TRPM5: variants seen among roughly 807,000 people sequenced by gnomAD.
The protein encoded by TRPM5 is MLSN1 and TRP-related.
TRPM5 carries 121 observed loss-of-function variants against 124.9 expected under a neutral mutation model. The ratio of observed to expected loss-of-function variants is 0.97; its 90% confidence interval spans 0.84 to 1.13. The LOEUF is 1.13. Among genes scored for constraint, TRPM5 ranks in the 50% most tolerant of loss-of-function variants. TRPM5 has a pLI of 0.00. For missense variants in TRPM5, 1,643 were observed against 1,589.1 expected, an observed-to-expected ratio of 1.03 and a Z score of -0.58; for synonymous variants, 781 against 700.5, an observed-to-expected ratio of 1.11 and a Z score of -1.81.
chr11:2,406,041 C>G, exon 22 of TRPM5: 1 of 1,612,128 alleles, frequency 6.2e-7, no homozygotes, highest in South Asian at 1.1e-5. Context: ...ACACTTGATG[C>G]GCTTTTCTTG....
At chr11:2,423,094 C>T, upstream of TRPM5, 1 of 1,384,750 alleles carries the variant, frequency 7.2e-7, no homozygotes, top group Non-Finnish European at 1.0e-6. Context: ...AGGCCCATCC[C>T]CACCTCCCTC....
chr11:2,428,628 G>C, the TRPM5 span, among the ~76,000 whole-genome samples: 1 of 151,872 alleles, frequency 6.6e-6, no homozygotes, highest in Admixed American at 6.6e-5. This position sits in a 1 kb window ranked among gnomAD's most constrained non-coding sequence, Gnocchi z 4.0. Context: ...CATTACCGTT[G>C]ATGAGGGTGG....
chr11:2,421,334 G>T, intron 2 of TRPM5, 136 bp from the exon 8 acceptor site: 1 of 1,142,660 alleles, frequency 8.8e-7, no homozygotes, highest in Non-Finnish European at 1.2e-6. Flanking sequence ...ATGCCTCACG[G>T]TGGGGTGGGG....
chr11:2,437,474 C>G, the TRPM5 span, among the ~76,000 whole-genome samples: 1 of 152,176 alleles, frequency 6.6e-6, no homozygotes, highest in Non-Finnish European at 1.5e-5. The surrounding 1 kb of genome is among the most constrained non-coding windows in gnomAD (Gnocchi z 5.6). Context: ...GGCAAGGCCT[C>G]TTGTGCAGTG....
At chr11:2,404,991 A>G (rs928752003) in exon 24 of TRPM5, 17 of 1,612,592 alleles carry the variant, frequency 1.1e-5, no homozygotes, top group Non-Finnish European at 1.4e-5. Context: ...CATCTAAACC[A>G]CCTCTGTGGT....
intron 1 of TRPM5, 24 bp downstream of exon 6, chr11:2,422,896 C>A: frequency 6.3e-7 from 1 of 1,599,094 alleles, no homozygotes; most frequent in Non-Finnish European, 8.6e-7. Flanking sequence ...CGGACATCAC[C>A]TGAGGCCTGG....
intron 3 of TRPM5, among the ~76,000 whole-genome samples, 188 bp downstream of exon 8, chr11:2,420,844 G>T (rs1845761930): frequency 6.6e-6 from 1 of 152,188 alleles, no homozygotes; most frequent in African/African-American, 2.4e-5. Context: ...GAGGGCCCGC[G>T]CCACAGTCTA....
At position 2,418,517 on chromosome 11, in the gene TRPM5, A is replaced by G. The variant is rs1305852798; in HGVS notation, c.714+10T>C. 4 of 1,608,774 alleles carry G rather than the reference A, an allele frequency of 2.5e-6. No homozygotes were observed. Among genetic ancestry groups the G allele is most frequent in the Non-Finnish European group, 3.4e-6 (4 of 1,178,358 alleles). On this transcript the variant is annotated intron_variant, in intron 5 of 23. Transcript: ENST00000155858. ...TTCGGCCAGCCAGGGGGCCTCAGCC[A>G]GGCCCCTACCTCCAAGGTGTTGGGA...
intron 19 of TRPM5, 29 bp downstream of exon 24, chr11:2,407,728 GCT>G: frequency 1.2e-6 from 2 of 1,610,240 alleles, no homozygotes; most frequent in African/African-American, 1.3e-5. Flanking sequence ...CCGCTCCAGG[GCT>G]CTCTCCTCCA....
chr11:2,422,128 G>T lies in TRPM5; in HGVS notation c.298+13C>A. On this transcript the variant is annotated intron_variant, in intron 2 of 23. Transcript: ENST00000155858. ...TGGGGTGGGAGCGCTGCCTGTGCCG[G>T]GTGGGGCCTCACCTGTGCTCTGAGC... The T allele has an allele frequency of 6.3e-7, 1 of 1,581,134 alleles. No individual in the cohort carries two copies. The highest frequency in any genetic ancestry group is 1.1e-5 in the South Asian group (1 of 87,426).
At chr11:2,420,171 G>T (rs558862940) in intron 4 of TRPM5, 51 bp downstream of exon 9, 13 of 1,532,234 alleles carry the variant, frequency 8.5e-6, no homozygotes, top group Middle Eastern at 2.4e-4. Flanking sequence ...GCGGGTCCCT[G>T]GATCCCCACT....
At position 2,405,611 on chromosome 11, in the gene TRPM5, G is replaced by A. The variant is rs200838261; in HGVS notation, c.3325-18C>T. ...TAGTTGATCTGGAGAAGGGAAACAC[G>A]TCCGGGAAGCTCCAGGGCTCTCTCA... On this transcript the variant is annotated intron_variant, in intron 22 of 23. Coordinates refer to ENST00000155858, the Ensembl canonical transcript of TRPM5. 2.1e-4 allele frequency: 331 copies of A among 1,554,802 alleles called. No homozygotes were observed. Among genetic ancestry groups the A allele is most frequent in the Non-Finnish European group, 2.6e-4 (302 of 1,148,740 alleles).
chr11:2,437,404 G>T, the TRPM5 span, among the ~76,000 whole-genome samples: 5 of 152,188 alleles, frequency 3.3e-5, no homozygotes, highest in Non-Finnish European at 7.4e-5. This position sits in a 1 kb window ranked among gnomAD's most constrained non-coding sequence, Gnocchi z 5.6. Context: ...CTGCTTCTGG[G>T]TGGGGGGTGC....
At position 2,412,277 on chromosome 11, in the gene TRPM5, C is replaced by T. The variant is rs1850468409; in HGVS notation, c.2356-24G>A. Reference sequence around the variant, plus strand: ...CCCTGGGAGGGAGGTGGGCAGTCCACTGACAGCTGTCCAGCCGCCCTCGCT... The same window carrying T: ...CCCTGGGAGGGAGGTGGGCAGTCCATTGACAGCTGTCCAGCCGCCCTCGCT... On this transcript the variant is annotated intron_variant, in intron 15 of 23. Transcript: ENST00000155858. The T allele has an allele frequency of 2.5e-6, 4 of 1,583,342 alleles. No homozygotes were observed. In the African/African-American group the frequency reaches 4.0e-5, roughly 16 times the overall value.
the TRPM5 span, among the ~76,000 whole-genome samples, chr11:2,443,354 C>A: frequency 6.6e-6 from 1 of 152,172 alleles, no homozygotes; most frequent in Non-Finnish European, 1.5e-5. This position sits in a 1 kb window ranked among gnomAD's most constrained non-coding sequence, Gnocchi z 5.0. Flanking sequence ...TATGTTCACC[C>A]GGAAAGTAAC....
upstream of TRPM5, among the ~76,000 whole-genome samples, chr11:2,426,376 G>A (rs970062611): frequency 6.6e-6 from 1 of 152,178 alleles, no homozygotes; most frequent in Non-Finnish European, 1.5e-5. Flanking sequence ...GGCCCAGAGG[G>A]AGGTGATGCA....
chr11:2,405,410 T>C (rs944803390), intron 23 of TRPM5, 117 bp downstream of exon 28: 3 of 1,125,910 alleles, frequency 2.7e-6, no homozygotes, highest in Admixed American at 2.2e-5. Context: ...CAAGGCCTCC[T>C]GAGACTCCCG....
At chr11:2,423,335 C>T (rs1845798509), upstream of TRPM5, among the ~76,000 whole-genome samples, 1 of 152,208 alleles carries the variant, frequency 6.6e-6, no homozygotes, top group East Asian at 1.9e-4. Flanking sequence ...CCTGGTTCCT[C>T]TACTCACCCC....
At chr11:2,420,091 G>C (rs554150502) in intron 4 of TRPM5, 131 bp downstream of exon 9, 24 of 1,033,180 alleles carry the variant, frequency 2.3e-5, no homozygotes, top group African/African-American at 2.1e-4. Context: ...CGGTGCTCAG[G>C]CATGCGGGGT....
Sources: allele counts gnomAD v4.1 joint callset (sites outside exome capture counted in the v4.1 genomes callset), GRCh38; gene constraint gnomAD v4.1.1; non-coding constraint Gnocchi (gnomAD v3.1); transcripts MANE v1.5; gene names NCBI Gene and HGNC (gene_info 2026-07-23, HGNC 2026-07-21).